Variants in HNRNPU observed in about 807,000 individuals in gnomAD.
HNRNPU encodes the protein HNRNPU antisense RNA 1.
A neutral mutation model predicts 94.7 loss-of-function variants in HNRNPU; 5 were observed. The ratio of observed to expected loss-of-function variants is 0.05; its 90% CI spans 0.03 to 0.11. The LOEUF (loss-of-function observed/expected upper bound fraction) is 0.11. Among genes scored for constraint, HNRNPU ranks in the 10% least tolerant of loss-of-function variants. HNRNPU has a pLI of 1.00. For missense variants in HNRNPU, 710 were observed against 1,049.2 expected (o/e 0.68, Z 4.47); for synonymous variants, 434 against 381.6 (o/e 1.14, Z -1.60).
chr1:244,863,775 C>G lies in HNRNPU; in HGVS notation c.533G>C (p.Gly178Ala), dbSNP rs1345467904. Residue 178 changes from glycine (G) to alanine (A), a missense_variant, in exon 1 of 14, where the codon GGG (glycine) becomes GCG (alanine). Transcript: ENST00000640218. ...TQQQQPQQQR[G>A]AAKEAAGKSS... The stretch of plus-strand genomic sequence containing the variant: ...CTTCCCCGCGGCCTCCTTGGCGGCC[C>G]CGCGCTGCTGTTGGGGCTGTTGCTG... The G allele has an allele frequency of 6.3e-7, 1 of 1,598,758 alleles. No individual in the cohort carries two copies. Among genetic ancestry groups the G allele is most frequent in the African/African-American group, 1.3e-5 (1 of 74,154 alleles).
intron 13 of HNRNPU, 63 bp from the exon 14 acceptor site, chr1:244,854,566 G>A (rs1680627048): frequency 9.4e-7 from 1 of 1,065,162 alleles, no homozygotes; most frequent in Admixed American, 1.8e-5. Context: ...CTGTTTTTAG[G>A]AAATGACAAT....
Position 244,855,953 on chromosome 1 carries a change from A to G in HNRNPU, c.2118T>C (p.His706=), listed in dbSNP as rs1553282227. 9.9e-6 allele frequency: 16 copies of G among 1,614,090 alleles called. No individual in the cohort carries two copies. The highest frequency in any genetic ancestry group is 1.2e-5 in the Non-Finnish European group (14 of 1,179,968). The stretch of plus-strand genomic sequence containing the variant: ...GCATATTGAATCCTCCACGTCCTCT[A>G]TGGCCACCACCTCTGTTAAACTGGT... ...GKNQFNRGGG[H]RGRGGFNMRG... is the part of the protein sequence containing the mutation. The change falls in exon 11 of 14, where the codon CAT becomes CAC. Residue 706 remains histidine, a synonymous_variant. Transcript: ENST00000640218.
In HNRNPU at chr1:244,862,249, A is replaced by G. The variant is rs560418305; in HGVS notation, c.877+212T>C. The G allele has an allele frequency of 6.9e-6, 3 of 435,178 alleles. No homozygotes were observed. In the South Asian group the frequency reaches 1.7e-4, roughly 24 times the overall value. 27.0% of individuals were successfully genotyped at this position (435,178 alleles called of 1,614,324 possible). A position where few individuals can be genotyped will look rare whatever the true frequency, so the allele number is the denominator to read the frequency against. On this transcript the variant is annotated intron_variant, in intron 3 of 13. Coordinates refer to ENST00000640218, the MANE Select transcript of HNRNPU (RefSeq NM_031844.3). ...AGAACTTTCAAGTCATAAAAATACG[A>G]AACTCCTAGAGCCTGTAAAATAATC...
rs201337749 is a variant in HNRNPU at position 244,864,086 on chromosome 1, G to C, written c.222C>G (p.Leu74=). 1.9e-5 allele frequency: 31 copies of C among 1,598,818 alleles called. No homozygotes were observed. In the Admixed American group the frequency reaches 4.3e-4, roughly 22 times the overall value. The change falls in exon 1 of 14, where the codon CTC becomes CTG. Residue 74 remains leucine (L), a synonymous_variant. Coordinates refer to ENST00000640218, the MANE Select transcript of HNRNPU (RefSeq NM_031844.3). ...GDSAGRSGAG[L]EQEAAAGGDE... ...CGCCGCCGGCCGCGGCCTCCTGCTC[G>C]AGGCCTGCTCCCGAGCGCCCAGCGG...
At chr1:244,857,789 G>A in intron 7 of HNRNPU, 72 bp from the exon 8 acceptor site, 6 of 1,532,318 alleles carry the variant, frequency 3.9e-6, no homozygotes, top group Non-Finnish European at 5.3e-6. Context: ...ATATTGTTAA[G>A]GCCAATTTAA....
At chr1:244,862,363 C>G (rs1358915634) in intron 3 of HNRNPU, 98 bp downstream of exon 3, 1 of 806,564 alleles carries the variant, frequency 1.2e-6, no homozygotes, top group African/African-American at 1.9e-5. Context: ...AAAACTAACC[C>G]AAGTTTTGCT....
chr1:244,853,385 G>C lies in HNRNPU; in HGVS notation c.*1065C>G, dbSNP rs1680597283. Reference sequence around the variant, plus strand: ...CTTGATGGCGAGAATCCCAAAACAAGAGTAAAATGAATTCTTTTTATTGCA... The same window carrying C: ...CTTGATGGCGAGAATCCCAAAACAACAGTAAAATGAATTCTTTTTATTGCA... On this transcript the variant is annotated 3_prime_UTR_variant, in exon 14 of 14. Coordinates refer to ENST00000640218, the MANE Select transcript of HNRNPU (RefSeq NM_031844.3). 1 of 152,448 alleles carries C rather than the reference G, an allele frequency of 6.6e-6. No individual in the cohort carries two copies. The highest frequency in any genetic ancestry group is 2.4e-5 in the African/African-American group (1 of 41,402). The allele number at this position is 152,448 out of a possible 1,614,324, so 9.4% of individuals were successfully genotyped here.
At position 244,863,631 on chromosome 1, in the gene HNRNPU, C is replaced by T; in HGVS notation, c.677G>A (p.Gly226Glu). Residue 226 changes from glycine to glutamate, a missense_variant, in exon 1 of 14, where the codon GGG becomes GAG. Around this residue, in one of 8 missense-constraint regions of HNRNPU, gnomAD observed 292 missense variants for 293.4 expected, o/e 1.00. Coordinates refer to ENST00000640218, the MANE Select transcript of HNRNPU (RefSeq NM_031844.3). The part of the protein sequence containing the change: ...AEGGGGGGRP[G>E]APAAGDGKTE... ...GCAGCACTCACCCGCCGCCGGAGCC[C>T]CGGGGCGACCGCCGCCTCCGCCGCC... The T allele has an allele frequency of 6.5e-7, 1 of 1,540,290 alleles. No homozygotes were observed. Among genetic ancestry groups the T allele is most frequent in the Non-Finnish European group, 8.6e-7 (1 of 1,156,822 alleles).
At position 244,864,322 on chromosome 1, in the gene HNRNPU, T is replaced by G; in HGVS notation, c.-15A>C. 4 of 1,611,138 alleles carry G rather than the reference T, an allele frequency of 2.5e-6. No individual in the cohort carries two copies. In the South Asian group the frequency reaches 4.4e-5, roughly 18 times the overall value. Reference sequence around the variant, plus strand: ...GAGGAACTCATGGTGAGGGCCCCGATTCACCGCTAGGCGCTGCCTCAAACT... The same window carrying G: ...GAGGAACTCATGGTGAGGGCCCCGAGTCACCGCTAGGCGCTGCCTCAAACT... On this transcript the variant is annotated 5_prime_UTR_variant, in exon 1 of 14. Coordinates refer to ENST00000640218, the MANE Select transcript of HNRNPU (RefSeq NM_031844.3).
chr1:244,858,602 C>T, intron 6 of HNRNPU, 127 bp downstream of exon 6: 1 of 657,688 alleles, frequency 1.5e-6, no homozygotes, highest in Non-Finnish European at 2.7e-6. Flanking sequence ...GAAGTCTTTA[C>T]ACTAATCCAG....
Position 244,863,724 on chromosome 1 carries a change from G to A in HNRNPU, c.584C>T (p.Ala195Val). 6.4e-7 allele frequency: 1 copy of A among 1,569,388 alleles called. No individual in the cohort carries two copies. The highest frequency in any genetic ancestry group is 8.6e-7 in the Non-Finnish European group (1 of 1,164,104). ...CGCCCCGGGCGGCGCCACCGTCACC[G>A]CGAACAGCGAGGTGGGGCCGCTGCT... is the stretch of plus-strand genomic sequence containing the variant. Reference protein sequence around the residue: ...GKSSGPTSLFAVTVAPPGARQ... With the variant: ...GKSSGPTSLFVVTVAPPGARQ... The change falls in exon 1 of 14, where the codon GCG (alanine) becomes GTG (valine). Residue 195 changes from alanine to valine, a missense_variant. By Grantham distance (64) the Ala-to-Val change is moderately conservative. Coordinates refer to ENST00000640218, the MANE Select transcript of HNRNPU (RefSeq NM_031844.3).
At position 244,852,757 on chromosome 1, in the gene HNRNPU, G is replaced by A. The variant is rs569075595; in HGVS notation, c.*1693C>T. 2.3e-4 allele frequency: 35 copies of A among 152,014 alleles called. No individual in the cohort carries two copies. The highest frequency in any genetic ancestry group is 4.4e-4 in the Non-Finnish European group (30 of 67,986). The allele number at this position is 152,014 out of a possible 1,614,324, so 9.4% of individuals were successfully genotyped here. On this transcript the variant is annotated 3_prime_UTR_variant, in exon 14 of 14. Transcript: ENST00000640218. ...TCATATTTATGATCTGATTTTAAAG[G>A]GCTAAAACAAAATTCTAAGCAATCA...
chr1:244,851,884 T>G lies in HNRNPU; in HGVS notation c.*2566A>C, dbSNP rs928628473. On this transcript the variant is annotated 3_prime_UTR_variant, in exon 14 of 14. Coordinates refer to ENST00000640218, the MANE Select transcript of HNRNPU (RefSeq NM_031844.3). The stretch of plus-strand genomic sequence containing the variant: ...AGCTATCTCATAGCAGTTTTAGTTT[T>G]CTCAAATTCTATGCTGTTTTTGTAC... The G allele has an allele frequency of 2.6e-5, 4 of 152,188 alleles. No individual in the cohort carries two copies. Among genetic ancestry groups the G allele is most frequent in the Non-Finnish European group, 4.4e-5 (3 of 68,032 alleles). The allele number at this position is 152,188 out of a possible 1,614,324, so 9.4% of individuals were successfully genotyped here.
At chr1:244,857,055 T>C (rs1418537092) in intron 8 of HNRNPU, 199 bp from the exon 9 acceptor site, 2 of 457,480 alleles carry the variant, frequency 4.4e-6, no homozygotes, top group Non-Finnish European at 7.6e-6. Flanking sequence ...TTTTAGCTGC[T>C]AGATGTTAAG....
rs1680694629 is a variant in HNRNPU at position 244,856,862 on chromosome 1, T to C, written c.1615-6A>G. 6.3e-7 allele frequency: 1 copy of C among 1,585,484 alleles called. No individual in the cohort carries two copies. Among genetic ancestry groups the C allele is most frequent in the African/African-American group, 1.4e-5 (1 of 73,066 alleles). On this transcript the variant is annotated splice_polypyrimidine_tract_variant and splice_region_variant and intron_variant, in intron 8 of 13. Transcript: ENST00000640218. ...TGCTTCTTAAAACCTGCCACCTATATTCAAAAGTTAAAATTTCCCCTTGAA... is the reference window on the plus strand; with the variant it reads ...TGCTTCTTAAAACCTGCCACCTATACTCAAAAGTTAAAATTTCCCCTTGAA...
At position 244,862,525 on chromosome 1, in the gene HNRNPU, A is replaced by C. The variant is rs377602750; in HGVS notation, c.813T>G (p.Ser271=). The C allele has an allele frequency of 6.2e-6, 10 of 1,613,788 alleles. No homozygotes were observed. The African/African-American group carries it at 1.3e-4, about 22-fold the overall frequency. Residue 271 remains serine (S), a synonymous_variant, in exon 3 of 14, where the codon TCT becomes TCG. Coordinates refer to ENST00000640218, the MANE Select transcript of HNRNPU (RefSeq NM_031844.3). ...CTTCTTCTTCAACAGGTGGCTGAGGAGATTTGGCTCTGAAAGACAGAATTG... is the reference window on the plus strand; with the variant it reads ...CTTCTTCTTCAACAGGTGGCTGAGGCGATTTGGCTCTGAAAGACAGAATTG... The part of the protein sequence containing the change: ...IEENKYSRAK[S]PQPPVEEEDE...
At chr1:244,855,787 TTTAG>T (rs1368666752) in intron 11 of HNRNPU, 113 bp downstream of exon 11, 19 of 1,300,374 alleles carry the variant, frequency 1.5e-5, no homozygotes, top group African/African-American at 4.4e-5. Context: ...ACATGAATAC[TTTAG>T]TTACTGTGAC....
At chr1:244,862,426 G>A (rs1249021717) in intron 3 of HNRNPU, 35 bp downstream of exon 3, 5 of 854,944 alleles carry the variant, frequency 5.8e-6, no homozygotes, top group South Asian at 1.6e-5. Context: ...CACCATCACC[G>A]CATTTCATAA....
At position 244,864,120 on chromosome 1, in the gene HNRNPU, C is replaced by G; in HGVS notation, c.188G>C (p.Gly63Ala). 5 of 1,598,230 alleles carry G rather than the reference C, an allele frequency of 3.1e-6. No individual in the cohort carries two copies. Among genetic ancestry groups the G allele is most frequent in the Non-Finnish European group, 4.3e-6 (5 of 1,172,548 alleles). The change falls in exon 1 of 14, where the codon GGC becomes GCC. Residue 63 changes from glycine to alanine, a missense_variant. Gly to Ala is a moderately conservative substitution (Grantham distance 60). Around this residue, in one of 8 missense-constraint regions of HNRNPU, gnomAD observed 292 missense variants for 293.4 expected, o/e 1.00. Transcript: ENST00000640218. ...TCCCGAGCGCCCAGCGGAATCCCCGCCCAGGTCTAGGCTGCCGTTCCCGGG... is the reference window on the plus strand; with the variant it reads ...TCCCGAGCGCCCAGCGGAATCCCCGGCCAGGTCTAGGCTGCCGTTCCCGGG... ...MEPGNGSLDL[G>A]GDSAGRSGAG...
Sources: allele counts gnomAD v4.1 joint callset, GRCh38; gene constraint gnomAD v4.1.1; regional missense constraint gnomAD v4.1.1; transcripts MANE v1.5; gene names NCBI Gene and HGNC (gene_info 2026-07-23, HGNC 2026-07-21).